The following DIP2B variants were observed in gnomAD, a reference collection of about 807,000 sequenced individuals.
DIP2B encodes the protein DIP2 acetate--CoA ligase B (putative), also known as disco-interacting protein 2 homolog B.
Under a neutral mutation model 198.0 loss-of-function variants are expected in DIP2B, and 76 were observed. The observed-to-expected ratio is 0.38, with a 90% CI of 0.32 to 0.46. The LOEUF is 0.46. Among genes scored for constraint, DIP2B ranks in the 20% least tolerant of loss-of-function variants. The pLI, the probability that DIP2B is intolerant of heterozygous loss-of-function variation, is 0.99. For missense variants in DIP2B, 1,559 were observed against 1,978.4 expected, an observed-to-expected ratio of 0.79 and a Z score of 4.02; for synonymous variants, 701 against 739.1, an observed-to-expected ratio of 0.95 and a Z score of 0.84.
intron 1 of DIP2B, among the ~76,000 whole-genome samples, chr12:50,561,176 C>T (rs538451562): frequency 6.6e-6 from 1 of 152,216 alleles, no homozygotes; most frequent in East Asian, 1.9e-4. Context: ...CTCCATGCAG[C>T]CAAGGGTGAA....
chr12:50,689,715 A>T (rs962697738), intron 12 of DIP2B, among the ~76,000 whole-genome samples: 3 of 152,162 alleles, frequency 2.0e-5, no homozygotes, highest in Admixed American at 6.6e-5. Flanking sequence ...ATCTCTCTGG[A>T]GGAGAGGCTG....
At chr12:50,630,288 A>C (rs568258077) in intron 2 of DIP2B, among the ~76,000 whole-genome samples, 46 of 151,980 alleles carry the variant, frequency 3.0e-4, no homozygotes, top group Admixed American at 6.6e-4. Flanking sequence ...TTAGTTTTCA[A>C]AGTTATTTAT....
At chr12:50,560,925 A>G (rs1420842504) in intron 1 of DIP2B, among the ~76,000 whole-genome samples, 1 of 152,242 alleles carries the variant, frequency 6.6e-6, no homozygotes, top group Admixed American at 6.5e-5. Flanking sequence ...AACATGTTAA[A>G]GGCTTAGAGA....
chr12:50,629,376 G>C (rs1333830887), intron 2 of DIP2B, among the ~76,000 whole-genome samples: 1 of 152,106 alleles, frequency 6.6e-6, no homozygotes, highest in East Asian at 1.9e-4. Context: ...AGACTGCAGG[G>C]CCCCATTTTC....
At chr12:50,682,628 CAAAAAAAAA>C (rs58672851) in intron 9 of DIP2B, among the ~76,000 whole-genome samples, 4 of 42,132 alleles carry the variant, frequency 9.5e-5, no homozygotes, top group East Asian at 6.4e-4. Context: ...GACTCTGTCT[CAAAAAAAAA>C]AAAAAAAAAA....
chr12:50,723,657 G>A (rs1220434246), intron 27 of DIP2B, among the ~76,000 whole-genome samples: 1 of 152,090 alleles, frequency 6.6e-6, no homozygotes, highest in African/African-American at 2.4e-5. Flanking sequence ...AGGCTGAGGT[G>A]GGAGGATCCC....
chr12:50,517,386 A>G (rs1958075347), intron 1 of DIP2B, among the ~76,000 whole-genome samples: 1 of 151,992 alleles, frequency 6.6e-6, no homozygotes. Flanking sequence ...TCCATATTCT[A>G]ATGGATCACT....
chr12:50,705,003 A>T (rs754941297), intron 20 of DIP2B, among the ~76,000 whole-genome samples: 5 of 152,224 alleles, frequency 3.3e-5, no homozygotes, highest in Non-Finnish European at 5.9e-5. Flanking sequence ...CAGTATTTAT[A>T]GGTACAAGAT....
chr12:50,538,093 GAGAC>G (rs954478535), intron 1 of DIP2B, among the ~76,000 whole-genome samples: 2 of 152,184 alleles, frequency 1.3e-5, no homozygotes, highest in African/African-American at 4.8e-5. Flanking sequence ...CTAAGGGAAA[GAGAC>G]AGAGGAAAGA....
Position 50,505,236 on chromosome 12 carries a change from G to A in DIP2B, c.96G>A (p.Ser32=). The A allele has an allele frequency of 2.0e-6, 3 of 1,514,190 alleles. No homozygotes were observed. The highest frequency in any genetic ancestry group is 1.8e-6 in the Non-Finnish European group (2 of 1,137,338). 93.8% of individuals were successfully genotyped at this position (1,514,190 alleles called of 1,614,324 possible). ...TGGCGGAGCTGGAGCTGGAGCTCTCGGAGGGTAGGAGCCGGGCCGGGGAGA... is the reference window on the plus strand; with the variant it reads ...TGGCGGAGCTGGAGCTGGAGCTCTCAGAGGGTAGGAGCCGGGCCGGGGAGA... ...AQLAELELEL[S]EGDITQKGYE... is the part of the protein sequence containing the mutation. The change falls in exon 1 of 38, where the codon TCG becomes TCA. Residue 32 remains serine, a synonymous_variant. Transcript: ENST00000301180.
chr12:50,747,491 G>A lies in DIP2B; in HGVS notation c.*2652G>A, dbSNP rs1437228583. 1 of 152,214 alleles carries A rather than the reference G, an allele frequency of 6.6e-6. No homozygotes were observed. Among genetic ancestry groups the A allele is most frequent in the African/African-American group, 2.4e-5 (1 of 41,452 alleles). The allele number at this position is 152,214 out of a possible 1,614,324, so 9.4% of individuals were successfully genotyped here. ...TAAAGCATCCTGTGGAGGGAGAGGAGAGCCCAGTCATTTGCTTAGATGGTG... is the reference window on the plus strand; with the variant it reads ...TAAAGCATCCTGTGGAGGGAGAGGAAAGCCCAGTCATTTGCTTAGATGGTG... On this transcript the variant is annotated 3_prime_UTR_variant, in exon 38 of 38. Coordinates refer to ENST00000301180, the MANE Select transcript of DIP2B (RefSeq NM_173602.3).
chr12:50,724,796 C>G lies in DIP2B; in HGVS notation c.3310C>G (p.Leu1104Val), dbSNP rs1478601551. The G allele has an allele frequency of 1.2e-6, 2 of 1,613,990 alleles. No homozygotes were observed. Among genetic ancestry groups the G allele is most frequent in the African/African-American group, 2.7e-5 (2 of 74,906 alleles). ...CTAGGTCAGCAAAGCAGCCTGTATT[C>G]TCACCAGTCAGACCCTAATGAGGCT... ...IVDVSKAACILTSQTLMRLLR... is the reference protein window; with the variant it reads ...IVDVSKAACIVTSQTLMRLLR... Residue 1104 changes from leucine (L) to valine (V), a missense_variant, in exon 28 of 38, where the codon CTC becomes GTC. Leu to Val is a conservative substitution (Grantham distance 32). Transcript: ENST00000301180.
At chr12:50,679,127 T>G in intron 8 of DIP2B, 1 of 462,278 alleles carries the variant, frequency 2.2e-6, no homozygotes, top group Non-Finnish European at 3.9e-6. Context: ...CATAGATGTT[T>G]TAACATTACA....
chr12:50,729,714 CTTTTTTCTT>C (rs1324783772), intron 30 of DIP2B, among the ~76,000 whole-genome samples: 2 of 148,896 alleles, frequency 1.3e-5, no homozygotes, highest in Admixed American at 6.8e-5. Flanking sequence ...CCTTTCTGTC[CTTTTTTCTT>C]TTTTTTCTTT....
At chr12:50,619,570 C>T (rs141961703) in intron 1 of DIP2B, among the ~76,000 whole-genome samples, 9 of 152,266 alleles carry the variant, frequency 5.9e-5, no homozygotes, top group East Asian at 3.9e-4. Flanking sequence ...TCTCCCATGG[C>T]GCTTAATTAT....
Position 50,505,214 on chromosome 12 carries a change from CGGAGCT to C in DIP2B, c.87_92del (p.Glu30_Leu31del). Reference sequence around the variant, plus strand: ...CCGCCTGAAGTGCGGGCGCAGCTGGCGGAGCTGGAGCTGGAGCTCTCGGAGGGTAGG... The same window carrying C: ...CCGCCTGAAGTGCGGGCGCAGCTGGCGGAGCTGGAGCTCTCGGAGGGTAGG... On this transcript the variant is annotated inframe_deletion, in exon 1 of 38. Coordinates refer to ENST00000301180, the MANE Select transcript of DIP2B (RefSeq NM_173602.3). 3 of 1,521,258 alleles carry C rather than the reference CGGAGCT, an allele frequency of 2.0e-6. No homozygotes were observed. Among genetic ancestry groups the C allele is most frequent in the Non-Finnish European group, 2.6e-6 (3 of 1,140,266 alleles). 94.2% of individuals were successfully genotyped at this position (1,521,258 alleles called of 1,614,324 possible). A position where few individuals can be genotyped will look rare whatever the true frequency, so the allele number is the denominator to read the frequency against.
At chr12:50,655,380 G>T (rs1938537123) in intron 3 of DIP2B, among the ~76,000 whole-genome samples, 1 of 152,230 alleles carries the variant, frequency 6.6e-6, no homozygotes, top group African/African-American at 2.4e-5. Flanking sequence ...AGGTGGGTGG[G>T]ATTGGGGCAG....
At chr12:50,588,000 G>C (rs1228742783) in intron 1 of DIP2B, among the ~76,000 whole-genome samples, 1 of 152,156 alleles carries the variant, frequency 6.6e-6, no homozygotes, top group East Asian at 1.9e-4. Context: ...CTTAGGATTT[G>C]TTTTGGTATC....
rs141708080 is a variant in DIP2B, at chr12:50,579,185, A to G, written c.101-46791A>G. 1.5e-3 allele frequency among the ~76,000 whole-genome samples: 222 copies of G among 152,324 alleles called. 2 individuals are homozygous for G. Among genetic ancestry groups the G allele is most frequent in the African/African-American group, 4.6e-3 (191 of 41,564 alleles). ...TAAATGAGAGATAAACTATGGTTAT[A>G]TATTTAGATTTGGATGTCAGCCAGA... On this transcript the variant is annotated intron_variant, in intron 1 of 37. Coordinates refer to ENST00000301180, the MANE Select transcript of DIP2B (RefSeq NM_173602.3).
Sources: gnomAD v4.1 joint callset for allele counts (sites outside exome capture counted in the v4.1 genomes callset) on GRCh38, gnomAD v4.1.1 for gene constraint, MANE v1.5 for transcripts, NCBI Gene and HGNC (gene_info 2026-07-23, HGNC 2026-07-21) for gene names.